The following EPB41L1 variants were observed in gnomAD, a reference collection of about 807,000 sequenced individuals.
EPB41L1 encodes the protein band 4.1-like protein 1.
Under a neutral mutation model 97.8 loss-of-function variants are expected in EPB41L1, and 29 were observed. That is an observed-to-expected ratio of 0.30 (90% CI 0.22 to 0.40). EPB41L1 has a LOEUF of 0.40. EPB41L1 is among the 10% of genes least tolerant of loss of function. The probability of loss-of-function intolerance (pLI) is 1.00; values close to 1 mark genes in which losing one functional copy is unlikely to be tolerated. For synonymous variants in EPB41L1, 383 were observed against 459.2 expected (o/e 0.83, Z 2.12); for missense variants, 812 against 1,162.3 (o/e 0.70, Z 4.38).
chr20:36,119,823 G>A (rs1476260288), intron 2 of EPB41L1, among the ~76,000 whole-genome samples: 1 of 152,074 alleles, frequency 6.6e-6, no homozygotes, highest in East Asian at 1.9e-4. Context: ...AGCAGGCGAG[G>A]AACAATGCTA....
At chr20:36,187,817 T>C in intron 8 of EPB41L1, 54 bp downstream of exon 8, 4 of 1,518,996 alleles carry the variant, frequency 2.6e-6, no homozygotes, top group Non-Finnish European at 3.6e-6. Context: ...CCCAAAGAAC[T>C]ATCAGGCCTT....
intron 2 of EPB41L1, among the ~76,000 whole-genome samples, chr20:36,113,976 A>C (rs1335637980): frequency 6.6e-6 from 1 of 152,218 alleles, no homozygotes; most frequent in East Asian, 1.9e-4. Context: ...AACCACCATC[A>C]GTTTACTGAA....
chr20:36,099,277 A>G (rs2057932960), intron 1 of EPB41L1, among the ~76,000 whole-genome samples: 1 of 152,220 alleles, frequency 6.6e-6, no homozygotes, highest in Non-Finnish European at 1.5e-5. Context: ...CTAATGAGGT[A>G]GTACACAGTA....
Position 36,207,525 on chromosome 20 carries a change from T to C in EPB41L1, c.1669-1963T>C, listed in dbSNP as rs762533893. The C allele has an allele frequency of 1.6e-5, 21 of 1,289,728 alleles. No individual in the cohort carries two copies. The highest frequency in any genetic ancestry group is 1.7e-5 in the Non-Finnish European group (17 of 988,882). 79.9% of individuals were successfully genotyped at this position (1,289,728 alleles called of 1,614,324 possible). A position where few individuals can be genotyped will look rare whatever the true frequency, so the allele number is the denominator to read the frequency against. ...AGGGTGAAGCAAGGTCCCTTCCAAATGACGTATCTTCAGAGGCACCCGTGG... is the reference window on the plus strand; with the variant it reads ...AGGGTGAAGCAAGGTCCCTTCCAAACGACGTATCTTCAGAGGCACCCGTGG... On this transcript the variant is annotated intron_variant, in intron 14 of 21. Coordinates refer to ENST00000338074, the MANE Select transcript of EPB41L1 (RefSeq NM_012156.2). The surrounding 1 kb of genome is among the most constrained non-coding windows in gnomAD (Gnocchi z 4.9).
rs1319089599 is a variant in EPB41L1 at position 36,171,500 on chromosome 20, A to C, written c.-14-2264A>C. Among the ~76,000 whole-genome samples, 3 of 152,094 alleles carry C rather than the reference A, an allele frequency of 2.0e-5. No individual in the cohort carries two copies. In the East Asian group the frequency reaches 5.8e-4, roughly 29 times the overall value. ...TCCCTTCCTCCTCATCTTCCTTCTAAATAGCAGCATCAGTAACAACAAACC... is the reference window on the plus strand; with the variant it reads ...TCCCTTCCTCCTCATCTTCCTTCTACATAGCAGCATCAGTAACAACAAACC... On this transcript the variant is annotated intron_variant, in intron 1 of 21. Coordinates refer to ENST00000338074, the MANE Select transcript of EPB41L1 (RefSeq NM_012156.2).
rs1487627090 is a variant in EPB41L1, at chr20:36,229,655, A to G, written c.*315A>G. The G allele has an allele frequency of 3.7e-6, 1 of 267,390 alleles. No individual in the cohort carries two copies. The highest frequency in any genetic ancestry group is 6.6e-5 in the East Asian group (1 of 15,128). The allele number at this position is 267,390 out of a possible 1,614,324, so 16.6% of individuals were successfully genotyped here. ...ACTGGTGGGATTTTTTTCAAGAAAA[A>G]AAATTATATAATAACTATAATCCCT... On this transcript the variant is annotated 3_prime_UTR_variant, in exon 22 of 22. Transcript: ENST00000338074.
In EPB41L1 at chr20:36,209,366, G is replaced by T; in HGVS notation, c.1669-122G>T. On this transcript the variant is annotated intron_variant, in intron 14 of 21. Coordinates refer to ENST00000338074, the MANE Select transcript of EPB41L1 (RefSeq NM_012156.2). The surrounding 1 kb of genome is among the most constrained non-coding windows in gnomAD (Gnocchi z 4.2). ...TGGGGTGTTTTTCATTTCCTGGCCT[G>T]CTCTTCCATTCAGGATGTCGACACA... 2 of 1,139,190 alleles carry T rather than the reference G, an allele frequency of 1.8e-6. No individual in the cohort carries two copies. Among genetic ancestry groups the T allele is most frequent in the Non-Finnish European group, 1.2e-6 (1 of 812,918 alleles). 70.6% of individuals were successfully genotyped at this position (1,139,190 alleles called of 1,614,324 possible). A position where few individuals can be genotyped will look rare whatever the true frequency, so the allele number is the denominator to read the frequency against.
rs115316138 is a variant in EPB41L1, at chr20:36,188,509, C to T, written c.1026+10C>T. The T allele has an allele frequency of 1.2e-3, 1,891 of 1,579,712 alleles. 17 individuals are homozygous for T. In the African/African-American group the frequency reaches 0.023, roughly 19 times the overall value. On this transcript the variant is annotated intron_variant, in intron 9 of 21. Transcript: ENST00000338074. Reference sequence around the variant, plus strand: ...GATCCGGCCTGGGGAGGTGAGTCTGCCTTGGGAAACACTCCTCCTCACCGG... The same window carrying T: ...GATCCGGCCTGGGGAGGTGAGTCTGTCTTGGGAAACACTCCTCCTCACCGG...
In EPB41L1 at chr20:36,177,971, T is replaced by G; in HGVS notation, c.362T>G (p.Val121Gly). 1 of 1,614,056 alleles carries G rather than the reference T, an allele frequency of 6.2e-7. No homozygotes were observed. Reference protein sequence around the residue: ...CEVEKHGRGQVLFDLVCEHLN... With the variant: ...CEVEKHGRGQGLFDLVCEHLN... ...CCTTAGAAACATGGCCGGGGCCAGG[T>G]GCTGTTTGACCTGGTCTGTGAACAC... Residue 121 changes from valine to glycine, a missense_variant, in exon 4 of 22, where the codon GTG becomes GGG. Physicochemically the swap from Val to Gly is moderately radical, Grantham distance 109. This residue lies in a region of EPB41L1 where 230 missense variants were observed against 445.2 expected (regional missense o/e 0.52). Transcript: ENST00000338074.
At chr20:36,128,088 G>A (rs2059044494) in intron 2 of EPB41L1, among the ~76,000 whole-genome samples, 1 of 152,182 alleles carries the variant, frequency 6.6e-6, no homozygotes, top group African/African-American at 2.4e-5. Context: ...GCAGCTGGAA[G>A]AGCCCTGGAG....
intron 2 of EPB41L1, among the ~76,000 whole-genome samples, chr20:36,113,495 G>T (rs1339664582): frequency 6.6e-6 from 1 of 150,976 alleles, no homozygotes; most frequent in Non-Finnish European, 1.5e-5. Flanking sequence ...GAACTATGGG[G>T]AATGAAGTGT....
intron 3 of EPB41L1, among the ~76,000 whole-genome samples, chr20:36,177,156 C>T (rs1390228183): frequency 6.6e-6 from 1 of 152,192 alleles, no homozygotes; most frequent in African/African-American, 2.4e-5. Context: ...CCAGCCAGAC[C>T]TTACAGGGGT....
intron 3 of EPB41L1, among the ~76,000 whole-genome samples, chr20:36,176,937 T>C (rs1489840056): frequency 6.6e-6 from 1 of 152,190 alleles, no homozygotes; most frequent in Non-Finnish European, 1.5e-5. Context: ...CGACTGTGTA[T>C]GTATTTTGTC....
chr20:36,102,006 A>AAAACAAAAC (rs2058031787), intron 1 of EPB41L1, among the ~76,000 whole-genome samples: 1 of 137,564 alleles, frequency 7.3e-6, no homozygotes, highest in East Asian at 2.0e-4. Context: ...CTCTGTCTCA[A>AAAACAAAAC]AAAACAAAAC....
chr20:36,107,152 T>C (rs1236557660), intron 1 of EPB41L1, among the ~76,000 whole-genome samples: 1 of 151,896 alleles, frequency 6.6e-6, no homozygotes, highest in Non-Finnish European at 1.5e-5. Context: ...TTTAAAAGAA[T>C]GCTCCCTTCA....
intron 9 of EPB41L1, among the ~76,000 whole-genome samples, chr20:36,189,366 A>C (rs2061843149): frequency 6.6e-6 from 1 of 151,994 alleles, no homozygotes; most frequent in African/African-American, 2.4e-5. Context: ...AACTCTCTTT[A>C]GCTCTTGAGC....
At chr20:36,121,261 A>G (rs2058743150) in intron 2 of EPB41L1, among the ~76,000 whole-genome samples, 1 of 151,998 alleles carries the variant, frequency 6.6e-6, no homozygotes, top group South Asian at 2.1e-4. Context: ...CACCCAGTTG[A>G]TGGTGTTTGG....
chr20:36,204,471 C>CTTTTTTTTTTTTTT (rs765673962), intron 14 of EPB41L1, among the ~76,000 whole-genome samples: 6 of 90,606 alleles, frequency 6.6e-5, no homozygotes, highest in African/African-American at 3.5e-4. Flanking sequence ...CGATCTGGTG[C>CTTTTTTTTTTTTTT]TTTTTTTTTT....
In EPB41L1 at chr20:36,206,080, A is replaced by G; in HGVS notation, c.1669-3408A>G. ...AAACACCCAGCAACAAGGAAAAATG[A>G]TTGCAAGTCCTGAAGACTTTGAGTC... On this transcript the variant is annotated intron_variant, in intron 14 of 21. Transcript: ENST00000338074. The surrounding 1 kb of genome is among the most constrained non-coding windows in gnomAD (Gnocchi z 5.5). The G allele has an allele frequency of 7.8e-7, 1 of 1,289,888 alleles. No homozygotes were observed. The highest frequency in any genetic ancestry group is 1.0e-6 in the Non-Finnish European group (1 of 988,888). 79.9% of individuals were successfully genotyped at this position (1,289,888 alleles called of 1,614,324 possible). A position where few individuals can be genotyped will look rare whatever the true frequency, so the allele number is the denominator to read the frequency against.
Sources: allele counts gnomAD v4.1 joint callset (sites outside exome capture counted in the v4.1 genomes callset), GRCh38; gene constraint gnomAD v4.1.1; regional missense constraint gnomAD v4.1.1; non-coding constraint Gnocchi (gnomAD v3.1); transcripts MANE v1.5; gene names NCBI Gene and HGNC (gene_info 2026-07-23, HGNC 2026-07-21).